Variants in USP34 observed in about 807,000 individuals in gnomAD.
USP34 encodes the protein ubiquitin carboxyl-terminal hydrolase 34.
In USP34, 70 loss-of-function variants were observed where a neutral mutation model predicts 460.3. The observed-to-expected ratio is 0.15, with a 90% CI of 0.13 to 0.19. The LOEUF (loss-of-function observed/expected upper bound fraction) is 0.19. Among genes scored for constraint, USP34 ranks in the 10% least tolerant of loss-of-function variants. The pLI is 1.00. For missense variants in USP34, 3,985 were observed against 4,236.2 expected, an observed-to-expected ratio of 0.94 and a Z score of 1.65; for synonymous variants, 1,647 against 1,405.3, an observed-to-expected ratio of 1.17 and a Z score of -3.85.
At position 61,188,627 on chromosome 2, in the gene USP34, C is replaced by T; in HGVS notation, c.10116G>A (p.Met3372Ile). ...TCAGGACCTCCCTGGTTTCTGTTTT[C>T]ATGTCACTGATGCAGCTGTCTACAG... The part of the protein sequence containing the change: ...EHTVDSCISD[M>I]KTETREVLTP... Residue 3372 changes from methionine to isoleucine, a missense_variant, in exon 80 of 80, where the codon ATG becomes ATA. By Grantham distance (10) the Met-to-Ile change is conservative. Coordinates refer to ENST00000398571, the MANE Select transcript of USP34 (RefSeq NM_014709.4). 2 of 1,614,190 alleles carry T rather than the reference C, an allele frequency of 1.2e-6. No individual in the cohort carries two copies. The highest frequency in any genetic ancestry group is 1.7e-6 in the Non-Finnish European group (2 of 1,180,038).
intron 75 of USP34, among the ~76,000 whole-genome samples, chr2:61,199,740 T>C (rs978555669): frequency 2.0e-5 from 3 of 152,224 alleles, no homozygotes; most frequent in African/African-American, 7.2e-5. Flanking sequence ...TTGTTGAGGC[T>C]ATTTACCCAC....
At chr2:61,207,051 T>G (rs1317181104) in intron 70 of USP34, 165 bp from the exon 71 acceptor site, 5 of 644,376 alleles carry the variant, frequency 7.8e-6, no homozygotes, top group Non-Finnish European at 1.3e-5. Flanking sequence ...TAAACTCTCA[T>G]TAAGCTCTTT....
rs957246004 is a variant in USP34 at position 61,218,318 on chromosome 2, A to G, written c.8047+1992T>C. ...GGTGGGGTTAACTAAACTTCCAGGA[A>G]AAAAAAAAAAAAAAAAAGGCCCATG... is the stretch of plus-strand genomic sequence containing the variant. On this transcript the variant is annotated intron_variant, in intron 67 of 79. Transcript: ENST00000398571. 4.0e-5 allele frequency among the ~76,000 whole-genome samples: 4 copies of G among 99,024 alleles called. No homozygotes were observed. In the Admixed American group the frequency reaches 5.1e-4, roughly 13 times the overall value. The allele number at this position is 99,024 out of a possible 152,430, so 65.0% of individuals were successfully genotyped here.
chr2:61,392,698 A>C (rs1183758267), intron 5 of USP34, among the ~76,000 whole-genome samples: 1 of 152,234 alleles, frequency 6.6e-6, no homozygotes, highest in South Asian at 2.1e-4. Context: ...AAAGTCTTTA[A>C]CAAGCTTTCC....
chr2:61,212,665 G>A (rs1047294214), intron 68 of USP34, among the ~76,000 whole-genome samples: 1 of 152,056 alleles, frequency 6.6e-6, no homozygotes, highest in Non-Finnish European at 1.5e-5. Context: ...GAAACCCCCA[G>A]CTTCTTATTT....
intron 71 of USP34, 80 bp downstream of exon 71, chr2:61,206,680 C>G: frequency 6.5e-7 from 1 of 1,535,014 alleles, no homozygotes. Context: ...AAAACAATTT[C>G]TCTGGGGCAC....
chr2:61,214,795 A>C, intron 67 of USP34, 101 bp from the exon 68 acceptor site: 7 of 1,325,908 alleles, frequency 5.3e-6, no homozygotes, highest in Non-Finnish European at 7.1e-6. Context: ...AATAATTAAA[A>C]TGAATAAAAA....
chr2:61,203,122 CTCA>C lies in USP34; in HGVS notation c.9508+15_9508+17del. Reference sequence around the variant, plus strand: ...TAAAATAATTCAGTGGAATTTACTGCTCATCTTTTATACTTACTCAGCTTAACT... The same window carrying C: ...TAAAATAATTCAGTGGAATTTACTGCTCTTTTATACTTACTCAGCTTAACT... On this transcript the variant is annotated intron_variant, in intron 75 of 79. Coordinates refer to ENST00000398571, the MANE Select transcript of USP34 (RefSeq NM_014709.4). 1 of 1,540,130 alleles carries C rather than the reference CTCA, an allele frequency of 6.5e-7. No individual in the cohort carries two copies.
chr2:61,445,051 C>CAATAGTAA (rs1464202632), intron 1 of USP34, among the ~76,000 whole-genome samples: 1 of 151,300 alleles, frequency 6.6e-6, no homozygotes, highest in African/African-American at 2.4e-5. Flanking sequence ...TTTGAAGAAG[C>CAATAGTAA]AATAGTAACT....
chr2:61,204,273 T>C lies in USP34; in HGVS notation c.9367A>G (p.Met3123Val), dbSNP rs761347343. ...PELNMCLLPT[M>V]VETSKGKDDV... Reference sequence around the variant, plus strand: ...CAACATACCTTACTGGTTTCCACCATTGTGGGCAAGAGGCACATATTGAGT... The same window carrying C: ...CAACATACCTTACTGGTTTCCACCACTGTGGGCAAGAGGCACATATTGAGT... The change falls in exon 74 of 80, where the codon ATG (methionine) becomes GTG (valine). Residue 3123 changes from methionine to valine, a missense_variant. Around this residue, in one of 14 missense-constraint regions of USP34, gnomAD observed 275 missense variants for 292.7 expected, o/e 0.94. Transcript: ENST00000398571. The C allele has an allele frequency of 1.8e-5, 29 of 1,614,088 alleles. No individual in the cohort carries two copies. Among genetic ancestry groups the C allele is most frequent in the South Asian group, 4.4e-5 (4 of 91,092 alleles).
chr2:61,190,495 T>A lies in USP34; in HGVS notation c.9729+23A>T, dbSNP rs151167251. 7.8e-5 allele frequency: 126 copies of A among 1,608,272 alleles called. No homozygotes were observed. The African/African-American group carries it at 1.4e-3, about 18-fold the overall frequency. On this transcript the variant is annotated intron_variant, in intron 77 of 79. Coordinates refer to ENST00000398571, the MANE Select transcript of USP34 (RefSeq NM_014709.4). ...CATTAACTAATTAGAAATGACACAC[T>A]GAGTTTCCAAAGTACTACGTACCTT... is the stretch of plus-strand genomic sequence containing the variant.
chr2:61,425,246 A>T (rs1292579465), intron 1 of USP34, among the ~76,000 whole-genome samples: 3 of 152,144 alleles, frequency 2.0e-5, no homozygotes, highest in Non-Finnish European at 2.9e-5. Context: ...AAAAAACAAA[A>T]ATCAGGTGAG....
At chr2:61,383,373 T>C (rs763953598) in intron 5 of USP34, 37 bp from the exon 6 acceptor site, 31 of 1,431,292 alleles carry the variant, frequency 2.2e-5, no homozygotes, top group Non-Finnish European at 2.7e-5. Context: ...TAATGCCTAA[T>C]ATGTGAAATA....
chr2:61,311,978 T>C lies in USP34; in HGVS notation c.3543-68A>G. 6 of 1,560,450 alleles carry C rather than the reference T, an allele frequency of 3.8e-6. No homozygotes were observed. The Admixed American group carries it at 1.1e-4, about 29-fold the overall frequency. ...AAACCATTTTAATGTTACGCAAATT[T>C]TTATCATCTTACAGACTGGAAAAGT... On this transcript the variant is annotated intron_variant, in intron 25 of 79. Transcript: ENST00000398571.
chr2:61,362,726 A>G (rs937883347), intron 10 of USP34, among the ~76,000 whole-genome samples: 2 of 152,342 alleles, frequency 1.3e-5, no homozygotes, highest in East Asian at 3.9e-4. Flanking sequence ...CAGCAATGTG[A>G]CTACAGTTAA....
At chr2:61,319,445 G>T in intron 21 of USP34, 118 bp from the exon 22 acceptor site, 1 of 605,396 alleles carries the variant, frequency 1.7e-6, no homozygotes, top group Non-Finnish European at 2.5e-6. Flanking sequence ...CTTGGAAATT[G>T]CAATTTTAAT....
At chr2:61,390,314 A>G (rs1693303422) in intron 5 of USP34, among the ~76,000 whole-genome samples, 1 of 152,232 alleles carries the variant, frequency 6.6e-6, no homozygotes, top group Admixed American at 6.5e-5. Flanking sequence ...AGGATACTGT[A>G]AGCTAAAACC....
At position 61,450,741 on chromosome 2, in the gene USP34, A is replaced by G. The variant is rs72886882; in HGVS notation, c.43+19909T>C. 4.8e-3 allele frequency among the ~76,000 whole-genome samples: 732 copies of G among 152,290 alleles called. 9 individuals are homozygous for G. Among genetic ancestry groups the G allele is most frequent in the African/African-American group, 0.016 (668 of 41,564 alleles). The stretch of plus-strand genomic sequence containing the variant: ...AACCTACATAAAGGGGAAAAATATA[A>G]AACGTCAAAAAGAAACAAAAATTAT... On this transcript the variant is annotated intron_variant, in intron 1 of 79. Coordinates refer to ENST00000398571, the MANE Select transcript of USP34 (RefSeq NM_014709.4).
At chr2:61,271,456 TTGAC>T (rs1240924695) in intron 41 of USP34, among the ~76,000 whole-genome samples, 5 of 152,216 alleles carry the variant, frequency 3.3e-5, no homozygotes, top group African/African-American at 7.2e-5. Flanking sequence ...AATGTACTGT[TTGAC>T]TGTCAGTTCT....
Sources: gnomAD v4.1 joint callset for allele counts (sites outside exome capture counted in the v4.1 genomes callset) on GRCh38, gnomAD v4.1.1 for gene constraint, gnomAD v4.1.1 regional missense constraint, MANE v1.5 for transcripts, NCBI Gene and HGNC (gene_info 2026-07-23, HGNC 2026-07-21) for gene names.